The following ANAPC16 variants were observed in gnomAD, a reference collection of about 807,000 sequenced individuals.
The protein encoded by ANAPC16 is anaphase promoting complex subunit 16, also known as anaphase-promoting complex subunit 16.
Under a neutral mutation model 13.1 loss-of-function variants are expected in ANAPC16, and 6 were observed. The observed-to-expected ratio is 0.46, with a 90% CI of 0.25 to 0.90. The LOEUF (loss-of-function observed/expected upper bound fraction) is 0.90, where lower values mean the gene tolerates loss of function less well. ANAPC16 is among the 40% of genes least tolerant of loss of function. ANAPC16 has a pLI of 0.18. For synonymous variants in ANAPC16, 55 were observed against 51.3 expected (o/e 1.07, Z -0.31); for missense variants, 113 against 131.1 (o/e 0.86, Z 0.67).
At chr10:72,231,063 CTT>C (rs935365246) in intron 3 of ANAPC16, among the ~76,000 whole-genome samples, 2 of 152,284 alleles carry the variant, frequency 1.3e-5, no homozygotes, top group African/African-American at 4.8e-5. Context: ...CCTGATAACA[CTT>C]TTTCTGTTAC....
At chr10:72,222,503 G>A (rs1030378207) in intron 1 of ANAPC16, among the ~76,000 whole-genome samples, 25 of 127,420 alleles carry the variant, frequency 2.0e-4, no homozygotes, top group Non-Finnish European at 3.4e-4. Context: ...GAGGCCAGGC[G>A]CAGTGGCTCA....
intron 1 of ANAPC16, chr10:72,217,069 G>C: frequency 2.2e-6 from 1 of 454,104 alleles, no homozygotes; most frequent in Non-Finnish European, 4.4e-6. Context: ...CATCCGAAAT[G>C]CTCGGGACTG....
chr10:72,216,349 C>G (rs1859319040), intron 1 of ANAPC16: 1 of 170,966 alleles, frequency 5.8e-6, no homozygotes, highest in African/African-American at 2.4e-5. Flanking sequence ...TGGGACAGCG[C>G]CGATGGCGTA....
At chr10:72,226,193 A>G (rs1860117907) in intron 2 of ANAPC16, among the ~76,000 whole-genome samples, 4 of 151,242 alleles carry the variant, frequency 2.6e-5, no homozygotes, top group African/African-American at 7.3e-5. Flanking sequence ...TTTTTTTAAT[A>G]TTTTTAATAG....
Position 72,233,172 on chromosome 10 carries a change from TTC to T in ANAPC16, c.*59_*60del, listed in dbSNP as rs1860380750. The T allele has an allele frequency of 1.5e-6, 2 of 1,367,150 alleles. No homozygotes were observed. Among genetic ancestry groups the T allele is most frequent in the Admixed American group, 3.5e-5 (2 of 57,678 alleles). 84.7% of individuals were successfully genotyped at this position (1,367,150 alleles called of 1,614,324 possible). Reference sequence around the variant, plus strand: ...GCAAGTGCAAAGCCAGTGGGGGACTTTCTCACAGCTTACATAGCCATCCAGAG... The same window carrying T: ...GCAAGTGCAAAGCCAGTGGGGGACTTTCACAGCTTACATAGCCATCCAGAG... On this transcript the variant is annotated 3_prime_UTR_variant, in exon 4 of 4. Coordinates refer to ENST00000299381, the MANE Select transcript of ANAPC16 (RefSeq NM_173473.4).
chr10:72,219,615 T>C (rs1400704978), intron 1 of ANAPC16, among the ~76,000 whole-genome samples: 1 of 152,166 alleles, frequency 6.6e-6, no homozygotes, highest in East Asian at 1.9e-4. Context: ...CACGTGCCTG[T>C]AGTCCCAACT....
rs142932037 is a variant in ANAPC16 at position 72,218,145 on chromosome 10, C to CAAAAAAAAAAAAAAAAAAAAAAAAAAAAA, written c.-28+2028_-28+2029insAAAAAAAAAAAAAAAAAAAAAAAAAAAAA. 8.6e-5 allele frequency among the ~76,000 whole-genome samples: 3 copies of CAAAAAAAAAAAAAAAAAAAAAAAAAAAAA among 34,880 alleles called. 1 individual carries two copies. Among genetic ancestry groups the CAAAAAAAAAAAAAAAAAAAAAAAAAAAAA allele is most frequent in the African/African-American group, 7.1e-4 (3 of 4,216 alleles). The allele number at this position is 34,880 out of a possible 152,430, so 22.9% of individuals were successfully genotyped here. On this transcript the variant is annotated intron_variant, in intron 1 of 3. Coordinates refer to ENST00000299381, the MANE Select transcript of ANAPC16 (RefSeq NM_173473.4). ...GGGCAACAAGAGTGAAACTCTGTCTCAAAAAAAAAAAAAAAAAAAAATATA... is the reference window on the plus strand; with the variant it reads ...GGGCAACAAGAGTGAAACTCTGTCTCAAAAAAAAAAAAAAAAAAAAAAAAAAAAAAAAAAAAAAAAAAAAAAAAAATATA...
chr10:72,216,273 T>C (rs532484903), intron 1 of ANAPC16, 135 bp downstream of exon 1: 5 of 158,552 alleles, frequency 3.2e-5, no homozygotes, highest in South Asian at 1.7e-4. Flanking sequence ...AGACGTGCGA[T>C]AGGAAATTTC....
At chr10:72,231,124 C>T (rs1442866488) in intron 3 of ANAPC16, among the ~76,000 whole-genome samples, 9 of 152,174 alleles carry the variant, frequency 5.9e-5, no homozygotes, top group Non-Finnish European at 2.9e-5. Context: ...CTGTGTTCCC[C>T]CTCCAGACCA....
chr10:72,227,908 T>G (rs1589714996), intron 2 of ANAPC16, among the ~76,000 whole-genome samples: 1 of 147,714 alleles, frequency 6.8e-6, no homozygotes, highest in Non-Finnish European at 1.5e-5. Flanking sequence ...TCGTGGTGTG[T>G]GCCTATAGTC....
chr10:72,226,745 G>T (rs1860134572), intron 2 of ANAPC16, among the ~76,000 whole-genome samples: 1 of 151,812 alleles, frequency 6.6e-6, no homozygotes, highest in Non-Finnish European at 1.5e-5. Flanking sequence ...ATAATAAAAA[G>T]AGTTACGGGT....
At position 72,216,047 on chromosome 10, in the gene ANAPC16, GC is replaced by G. The variant is rs989730074; in HGVS notation, c.-118del. Reference sequence around the variant, plus strand: ...CGCCGCTGGCTCCGTCTGTTGGGGGGCGAACACGCCGCGGTCCTCGTCGTGG... The same window carrying G: ...CGCCGCTGGCTCCGTCTGTTGGGGGGGAACACGCCGCGGTCCTCGTCGTGG... On this transcript the variant is annotated 5_prime_UTR_variant, in exon 1 of 4. Coordinates refer to ENST00000299381, the MANE Select transcript of ANAPC16 (RefSeq NM_173473.4). The G allele has an allele frequency of 6.6e-6, 1 of 152,356 alleles. No homozygotes were observed. The highest frequency in any genetic ancestry group is 2.4e-5 in the African/African-American group (1 of 41,474). The allele number at this position is 152,356 out of a possible 1,614,324, so 9.4% of individuals were successfully genotyped here.
intron 1 of ANAPC16, among the ~76,000 whole-genome samples, chr10:72,222,764 C>T (rs1039639178): frequency 3.9e-5 from 6 of 152,164 alleles, no homozygotes; most frequent in African/African-American, 9.7e-5. Flanking sequence ...GCGACAAGAG[C>T]GAGACTCCGT....
chr10:72,217,488 A>G lies in ANAPC16; in HGVS notation c.-28+1350A>G, dbSNP rs978024145. On this transcript the variant is annotated intron_variant, in intron 1 of 3. Transcript: ENST00000299381. The stretch of plus-strand genomic sequence containing the variant: ...AATCCGTCTCAAAAAAAAAAAAAAA[A>G]GGAAAGTGTAAAGTGCTTAATAGAA... 2.6e-5 allele frequency among the ~76,000 whole-genome samples: 4 copies of G among 151,458 alleles called. No individual in the cohort carries two copies. The East Asian group carries it at 5.8e-4, about 22-fold the overall frequency.
intron 2 of ANAPC16, among the ~76,000 whole-genome samples, chr10:72,228,712 G>A (rs977631105): frequency 1.3e-5 from 2 of 152,198 alleles, no homozygotes; most frequent in African/African-American, 2.4e-5. Context: ...GGACTTGGAC[G>A]TTAATAGGGA....
rs1197890402 is a variant in ANAPC16, at chr10:72,233,886, ATTAC to A, written c.*773_*776del. The A allele has an allele frequency of 6.6e-6, 1 of 152,662 alleles. No individual in the cohort carries two copies. Among genetic ancestry groups the A allele is most frequent in the Non-Finnish European group, 1.5e-5 (1 of 68,046 alleles). 9.5% of individuals were successfully genotyped at this position (152,662 alleles called of 1,614,324 possible). ...ATTTGGGATGAAGTGAAGAGGTCAA[ATTAC>A]TTTTTAGAAGAAGGGAATCTAAAAA... On this transcript the variant is annotated 3_prime_UTR_variant, in exon 4 of 4. Transcript: ENST00000299381.
At position 72,233,407 on chromosome 10, in the gene ANAPC16, C is replaced by G. The variant is rs1319258819; in HGVS notation, c.*291C>G. ...GAGATACTCAAAAATTTTCACAAGC[C>G]AAGTAGGGCATATATCAGATTTGGC... On this transcript the variant is annotated 3_prime_UTR_variant, in exon 4 of 4. Transcript: ENST00000299381. 3.5e-6 allele frequency: 1 copy of G among 288,484 alleles called. No homozygotes were observed. Among genetic ancestry groups the G allele is most frequent in the East Asian group, 6.6e-5 (1 of 15,104 alleles). The allele number at this position is 288,484 out of a possible 1,614,324, so 17.9% of individuals were successfully genotyped here.
At chr10:72,228,290 C>G (rs568373996) in intron 2 of ANAPC16, among the ~76,000 whole-genome samples, 1 of 152,262 alleles carries the variant, frequency 6.6e-6, no homozygotes. Flanking sequence ...TTCTCCTGCC[C>G]TTGGCCAAAA....
chr10:72,223,044 G>T (rs1860000149), intron 1 of ANAPC16: 1 of 147,922 alleles, frequency 6.8e-6, no homozygotes, highest in Admixed American at 6.7e-5. Flanking sequence ...ATGCCACCAA[G>T]TGATAAGTTT....
Sources: gnomAD v4.1 joint callset for allele counts (sites outside exome capture counted in the v4.1 genomes callset) on GRCh38, gnomAD v4.1.1 for gene constraint, MANE v1.5 for transcripts, NCBI Gene and HGNC (gene_info 2026-07-23, HGNC 2026-07-21) for gene names.